RYR2: variants seen among roughly 807,000 people sequenced by gnomAD.
The protein encoded by RYR2 is cardiac muscle ryanodine receptor-calcium release channel.
In RYR2, 227 loss-of-function variants were observed where a neutral mutation model predicts 601.1. That is an observed-to-expected ratio of 0.38 (90% CI 0.34 to 0.42). The LOEUF (loss-of-function observed/expected upper bound fraction) is 0.42, where lower values mean the gene tolerates loss of function less well. Among genes scored for constraint, RYR2 ranks in the 10% least tolerant of loss-of-function variants. RYR2 has a pLI of 1.00. For synonymous variants in RYR2, 2,223 were observed against 2,175.1 expected (o/e 1.02, Z -0.61); for missense variants, 4,646 against 6,156.5 (o/e 0.75, Z 8.21).
At chr1:237,321,334 G>A (rs1489131362) in intron 2 of RYR2, among the ~76,000 whole-genome samples, 2 of 152,040 alleles carry the variant, frequency 1.3e-5, no homozygotes, top group East Asian at 3.8e-4. Flanking sequence ...AGAATTCCAA[G>A]GTGTTGAATG....
At chr1:237,296,453 A>G (rs181187596) in intron 2 of RYR2, among the ~76,000 whole-genome samples, 3 of 152,320 alleles carry the variant, frequency 2.0e-5, no homozygotes, top group Admixed American at 6.5e-5. Context: ...GTTTCGTCAG[A>G]TTGGATTTAA....
At position 237,660,936 on chromosome 1, in the gene RYR2, C is replaced by G; in HGVS notation, c.8425C>G (p.Gln2809Glu). 1 of 1,426,430 alleles carries G rather than the reference C, an allele frequency of 7.0e-7. No homozygotes were observed. Among genetic ancestry groups the G allele is most frequent in the Non-Finnish European group, 9.2e-7 (1 of 1,082,422 alleles). The allele number at this position is 1,426,430 out of a possible 1,614,324, so 88.4% of individuals were successfully genotyped here. ...TTACAACCGGACTCGTCGTATTTCT[C>G]AGACAAGCCAGGTAAGAATTCATCA... ...ALYNRTRRIS[Q>E]TSQVSVDAAH... is the part of the protein sequence containing the mutation. Residue 2809 changes from glutamine (Q) to glutamate (E), a missense_variant, in exon 56 of 105, where the codon CAG (glutamine) becomes GAG (glutamate). Around this residue, in one of 17 missense-constraint regions of RYR2, gnomAD observed 1,497 missense variants for 1,842.6 expected, o/e 0.81. Transcript: ENST00000366574.
rs563972587 is a variant in RYR2 at position 237,199,939 on chromosome 1, C to T, written c.49-70558C>T. Among the ~76,000 whole-genome samples the T allele has an allele frequency of 1.6e-3, 240 of 152,210 alleles. 2 individuals carry two copies. Among genetic ancestry groups the T allele is most frequent in the Admixed American group, 0.012 (186 of 15,294 alleles). ...AATTTGAATTTACATCAGAAATGTTCGTTAATTAGCCGAGTTTTGTTTATT... is the reference window on the plus strand; with the variant it reads ...AATTTGAATTTACATCAGAAATGTTTGTTAATTAGCCGAGTTTTGTTTATT... On this transcript the variant is annotated intron_variant, in intron 1 of 104. Transcript: ENST00000366574.
intron 1 of RYR2, among the ~76,000 whole-genome samples, chr1:237,181,253 G>A (rs1476866634): frequency 6.6e-6 from 1 of 152,048 alleles, no homozygotes; most frequent in East Asian, 1.9e-4. Flanking sequence ...CAAAGTGCTG[G>A]GATTACAGGC....
intron 2 of RYR2, among the ~76,000 whole-genome samples, chr1:237,314,197 T>G (rs1221006191): frequency 2.0e-5 from 3 of 151,670 alleles, no homozygotes; most frequent in African/African-American, 7.3e-5. Flanking sequence ...CCCGAGTAGC[T>G]GGGACTACAG....
intron 34 of RYR2, 64 bp from the exon 35 acceptor site, chr1:237,601,961 G>GA (rs982530634): frequency 7.1e-7 from 1 of 1,409,674 alleles, no homozygotes; most frequent in Non-Finnish European, 9.8e-7. Context: ...TTGTTATAAA[G>GA]AAAAACTTTT....
intron 24 of RYR2, among the ~76,000 whole-genome samples, chr1:237,513,096 A>C (rs571692676): frequency 6.6e-6 from 1 of 152,286 alleles, no homozygotes; most frequent in Non-Finnish European, 1.5e-5. Flanking sequence ...AGAGTATTTT[A>C]TATCACCCAG....
At chr1:237,727,649 T>G (rs1374074156) in intron 76 of RYR2, among the ~76,000 whole-genome samples, 1 of 152,166 alleles carries the variant, frequency 6.6e-6, no homozygotes, top group Non-Finnish European at 1.5e-5. Context: ...AATGGGTTGA[T>G]GTATACAGAG....
intron 25 of RYR2, among the ~76,000 whole-genome samples, chr1:237,538,480 G>GTT (rs35530760): frequency 1.4e-4 from 20 of 142,320 alleles, no homozygotes; most frequent in South Asian, 2.2e-4. Flanking sequence ...GTTTAAAGAA[G>GTT]TTTTTTTTTG....
At chr1:237,385,415 CAT>C (rs893904596) in intron 8 of RYR2, among the ~76,000 whole-genome samples, 4 of 152,136 alleles carry the variant, frequency 2.6e-5, no homozygotes, top group African/African-American at 7.2e-5. Flanking sequence ...CAAAATATCA[CAT>C]GTGATATGTT....
chr1:237,558,024 C>A (rs1671077948), intron 27 of RYR2, among the ~76,000 whole-genome samples: 1 of 152,048 alleles, frequency 6.6e-6, no homozygotes, highest in Admixed American at 6.6e-5. Context: ...GAAATGTGGA[C>A]ATTTTTACAC....
At chr1:237,520,246 G>A (rs982799457) in intron 24 of RYR2, among the ~76,000 whole-genome samples, 1 of 152,140 alleles carries the variant, frequency 6.6e-6, no homozygotes, top group Non-Finnish European at 1.5e-5. Flanking sequence ...CAAATTGTCA[G>A]CAAACAAGGA....
At position 237,833,018 on chromosome 1, in the gene RYR2, C is replaced by T; in HGVS notation, c.*371C>T. The T allele has an allele frequency of 5.8e-6, 1 of 172,636 alleles. No homozygotes were observed. The highest frequency in any genetic ancestry group is 2.7e-3 in the Middle Eastern group (1 of 374). The allele number at this position is 172,636 out of a possible 1,614,324, so 10.7% of individuals were successfully genotyped here. On this transcript the variant is annotated 3_prime_UTR_variant, in exon 105 of 105. Transcript: ENST00000366574. ...CCACACTCACCCAGCCTCTTTATTT[C>T]ACCATCCTGGAAGGAAACTGTCTGT...
At position 237,548,586 on chromosome 1, in the gene RYR2, A is replaced by G; in HGVS notation, c.3062A>G (p.Gln1021Arg). ...RIRQGWTYGI[Q>R]QDVKNRRNPR... ...CGGCAGGGCTGGACTTATGGCATCCAACAGGTACATGGGAATTAGCATTTG... is the reference window on the plus strand; with the variant it reads ...CGGCAGGGCTGGACTTATGGCATCCGACAGGTACATGGGAATTAGCATTTG... The change falls in exon 26 of 105, where the codon CAA becomes CGA. Residue 1021 changes from glutamine (Q) to arginine (R), a missense_variant. Transcript: ENST00000366574. The G allele has an allele frequency of 6.2e-7, 1 of 1,613,852 alleles. No homozygotes were observed. The highest frequency in any genetic ancestry group is 8.5e-7 in the Non-Finnish European group (1 of 1,179,834).
At chr1:237,561,117 TGAGAAAACAGG>T in intron 27 of RYR2, among the ~76,000 whole-genome samples, 1 of 104,214 alleles carries the variant, frequency 9.6e-6, no homozygotes, top group South Asian at 2.9e-4. Flanking sequence ...TATAAGAAAA[TGAGAAAACAGG>T]GAGAAAAAAT....
intron 1 of RYR2, among the ~76,000 whole-genome samples, chr1:237,139,912 C>T (rs924196943): frequency 2.6e-5 from 4 of 152,258 alleles, no homozygotes; most frequent in Admixed American, 6.5e-5. Flanking sequence ...TAGCTCACAA[C>T]GTGTGTGCAG....
intron 100 of RYR2, among the ~76,000 whole-genome samples, chr1:237,813,018 C>G (rs1021564232): frequency 6.6e-6 from 1 of 152,094 alleles, no homozygotes; most frequent in African/African-American, 2.4e-5. Context: ...ACCCCCTCCT[C>G]CCACGCCTAT....
At chr1:237,438,712 A>G (rs759607370) in intron 12 of RYR2, among the ~76,000 whole-genome samples, 1 of 152,230 alleles carries the variant, frequency 6.6e-6, no homozygotes, top group Non-Finnish European at 1.5e-5. Flanking sequence ...CCTCAAGCCC[A>G]TAAAGCAGCA....
At chr1:237,525,914 A>C (rs1158086474) in intron 24 of RYR2, among the ~76,000 whole-genome samples, 1 of 151,786 alleles carries the variant, frequency 6.6e-6, no homozygotes, top group East Asian at 2.0e-4. Flanking sequence ...CGGGAGGCGG[A>C]GGTTGCAGTG....
Sources: allele counts gnomAD v4.1 joint callset (sites outside exome capture counted in the v4.1 genomes callset), GRCh38; gene constraint gnomAD v4.1.1; regional missense constraint gnomAD v4.1.1; transcripts MANE v1.5; gene names NCBI Gene and HGNC (gene_info 2026-07-23, HGNC 2026-07-21).